CD101: variants seen among roughly 807,000 people sequenced by gnomAD.
The protein encoded by CD101 is immunoglobulin superfamily member 2.
CD101 carries 76 observed loss-of-function variants against 98.2 expected under a neutral mutation model. The observed-to-expected ratio is 0.77, with a 90% CI of 0.64 to 0.94. CD101 has a LOEUF of 0.94. Among genes scored for constraint, CD101 ranks in the 40% least tolerant of loss-of-function variants. The pLI is 0.00. For missense variants in CD101, 1,145 were observed against 1,218.8 expected, an observed-to-expected ratio of 0.94 and a Z score of 0.90; for synonymous variants, 471 against 472.7, an observed-to-expected ratio of 1.00 and a Z score of 0.05.
chr1:117,026,973 A>G (rs1196227979), intron 8 of CD101, among the ~76,000 whole-genome samples: 1 of 152,164 alleles, frequency 6.6e-6, no homozygotes, highest in Non-Finnish European at 1.5e-5. Flanking sequence ...GGGGTGATAA[A>G]AAATCCCAGG....
Position 117,011,755 on chromosome 1 carries a change from G to A in CD101, c.630G>A (p.Gly210=), listed in dbSNP as rs1482411331. 1 of 1,613,962 alleles carries A rather than the reference G, an allele frequency of 6.2e-7. No individual in the cohort carries two copies. The highest frequency in any genetic ancestry group is 8.5e-7 in the Non-Finnish European group (1 of 1,180,018). The stretch of plus-strand genomic sequence containing the variant: ...CCAAAGATTTTATATTGGTCCCTGG[G>A]CCCTTGTATACAGAGCGGTTTGCAG... ...SLSKDFILVP[G]PLYTERFAAS... is the part of the protein sequence containing the mutation. The change falls in exon 3 of 10, where the codon GGG becomes GGA. Residue 210 remains glycine (G), a synonymous_variant. Transcript: ENST00000682167.
In CD101 at chr1:117,033,446, G is replaced by C. The variant is rs1363107243; in HGVS notation, c.2825-414G>C. On this transcript the variant is annotated intron_variant, in intron 8 of 9. Coordinates refer to ENST00000682167, the MANE Select transcript of CD101 (RefSeq NM_001256106.3). The surrounding 1 kb of genome is among the most constrained non-coding windows in gnomAD (Gnocchi z 4.8). The stretch of plus-strand genomic sequence containing the variant: ...TGTGTGTGAGAAAGAGTGTGTGCCT[G>C]TGTGTTGGAGGAGCAGCAGTGGGAA... 6.6e-6 allele frequency among the ~76,000 whole-genome samples: 1 copy of C among 152,026 alleles called. No individual in the cohort carries two copies. The highest frequency in any genetic ancestry group is 1.5e-5 in the Non-Finnish European group (1 of 67,988).
chr1:117,034,186 T>C, intron 9 of CD101, 52 bp downstream of exon 9: 3 of 1,521,090 alleles, frequency 2.0e-6, no homozygotes, highest in Non-Finnish European at 2.7e-6. Flanking sequence ...CCTGGTTCTG[T>C]CCTCAACTAT....
rs1652927248 is a variant in CD101, at chr1:117,012,049, A to ATC, written c.841+85_841+86dup. On this transcript the variant is annotated intron_variant, in intron 3 of 9. Transcript: ENST00000682167. This position sits in a 1 kb window ranked among gnomAD's most constrained non-coding sequence, Gnocchi z 4.0. ...GAGGTATGTTTTAATTTTTGTTCTA[A>ATC]TCTTTTGTTGGCTCTAAAAAATTGG... The ATC allele has an allele frequency of 1.5e-6, 2 of 1,292,718 alleles. No homozygotes were observed. Among genetic ancestry groups the ATC allele is most frequent in the Non-Finnish European group, 2.1e-6 (2 of 943,016 alleles). The allele number at this position is 1,292,718 out of a possible 1,614,324, so 80.1% of individuals were successfully genotyped here.
At chr1:117,017,557 A>G in intron 5 of CD101, 84 bp downstream of exon 5, 1 of 1,385,006 alleles carries the variant, frequency 7.2e-7, no homozygotes. Flanking sequence ...GTTATCCTGA[A>G]TCCCCCAGTG....
chr1:117,021,725 T>G lies in CD101; in HGVS notation c.2170T>G (p.Trp724Gly), dbSNP rs1178670867. The change falls in exon 7 of 10, where the codon TGG (tryptophan) becomes GGG (glycine). Residue 724 changes from tryptophan to glycine, a missense_variant. Trp to Gly is a radical substitution (Grantham distance 184). Coordinates refer to ENST00000682167, the MANE Select transcript of CD101 (RefSeq NM_001256106.3). The surrounding 1 kb of genome is among the most constrained non-coding windows in gnomAD (Gnocchi z 4.7). ...TTCTCCTGTTTCCACTAATGCCTCT[T>G]GGCTAAAGATCCTGGAGATGGACCA... Reference protein sequence around the residue: ...YFSPVSTNASWLKILEMDQTN... With the variant: ...YFSPVSTNASGLKILEMDQTN... 6.2e-7 allele frequency: 1 copy of G among 1,614,092 alleles called. No individual in the cohort carries two copies. Among genetic ancestry groups the G allele is most frequent in the Non-Finnish European group, 8.5e-7 (1 of 1,180,064 alleles).
At position 117,017,168 on chromosome 1, in the gene CD101, C is replaced by G. The variant is rs1169113247; in HGVS notation, c.1307C>G (p.Ala436Gly). The G allele has an allele frequency of 6.2e-7, 1 of 1,614,230 alleles. No individual in the cohort carries two copies. The highest frequency in any genetic ancestry group is 1.1e-5 in the South Asian group (1 of 91,090). The change falls in exon 5 of 10, where the codon GCT (alanine) becomes GGT (glycine). Residue 436 changes from alanine to glycine, a missense_variant. Physicochemically the swap from Ala to Gly is moderately conservative, Grantham distance 60. Coordinates refer to ENST00000682167, the MANE Select transcript of CD101 (RefSeq NM_001256106.3). ...GAGACACTCGCCTTTCTCTGTAAGG[C>G]TGGTGGAGCTGAAAGTCCCCTGTCT... ...EGETLAFLCK[A>G]GGAESPLSVS... is the part of the protein sequence containing the mutation.
rs1652569658 is a variant in CD101, at chr1:117,006,937, T to A, written c.44-2913T>A. ...ATAAAGCAGTAGAAAAAGAAGTGCG[T>A]GTTTTCACAATAAAAATTTTCAAAC... On this transcript the variant is annotated intron_variant, in intron 1 of 9. Transcript: ENST00000682167. The surrounding 1 kb of genome is among the most constrained non-coding windows in gnomAD (Gnocchi z 4.4). Among the ~76,000 whole-genome samples, 1 of 152,140 alleles carries A rather than the reference T, an allele frequency of 6.6e-6. No homozygotes were observed. The highest frequency in any genetic ancestry group is 1.5e-5 in the Non-Finnish European group (1 of 68,030).
In CD101 at chr1:117,006,969, C is replaced by T. The variant is rs544660876; in HGVS notation, c.44-2881C>T. Among the ~76,000 whole-genome samples the T allele has an allele frequency of 3.4e-4, 51 of 152,206 alleles. No homozygotes were observed. Among genetic ancestry groups the T allele is most frequent in the Non-Finnish European group, 6.3e-4 (43 of 68,018 alleles). On this transcript the variant is annotated intron_variant, in intron 1 of 9. Transcript: ENST00000682167. The surrounding 1 kb of genome is among the most constrained non-coding windows in gnomAD (Gnocchi z 4.4). ...ACAATAAAAATTTTCAAACGTGGTA[C>T]CCATCTTGCTGAAAAGTGATGGGAA... is the stretch of plus-strand genomic sequence containing the variant.
Position 117,010,338 on chromosome 1 carries a change from G to C in CD101, c.424+108G>C. The C allele has an allele frequency of 4.0e-6, 5 of 1,240,510 alleles. No individual in the cohort carries two copies. The highest frequency in any genetic ancestry group is 5.6e-6 in the Non-Finnish European group (5 of 897,264). 76.8% of individuals were successfully genotyped at this position (1,240,510 alleles called of 1,614,324 possible). ...CTTTATATTGTTCCATTTTCTTTGG[G>C]AAAAGAGCCCATGTACCCCTGTGGA... On this transcript the variant is annotated intron_variant, in intron 2 of 9. Coordinates refer to ENST00000682167, the MANE Select transcript of CD101 (RefSeq NM_001256106.3). The surrounding 1 kb of genome is among the most constrained non-coding windows in gnomAD (Gnocchi z 5.2).
intron 1 of CD101, 96 bp downstream of exon 1, chr1:117,001,956 C>A (rs1285855182): frequency 1.1e-5 from 12 of 1,108,100 alleles, no homozygotes; most frequent in East Asian, 2.4e-5. Context: ...TCTACAGGAA[C>A]AACTATGCCA....
Position 117,018,461 on chromosome 1 carries a change from T to TGG in CD101, c.1919_1920insGG (p.Cys640TrpfsTer4), listed in dbSNP as rs1653381204. Reference sequence around the variant, plus strand: ...TGAGGAAGAGACAGGAGTGTATCAGTGTGAAGTAGAAGTTTATGACAGAAA... The same window carrying TGG: ...TGAGGAAGAGACAGGAGTGTATCAGTGGGTGAAGTAGAAGTTTATGACAGAAA... On this transcript the variant is annotated frameshift_variant, in exon 6 of 10. Coordinates refer to ENST00000682167, the MANE Select transcript of CD101 (RefSeq NM_001256106.3). LOFTEE classifies it high-confidence loss of function. This position sits in a 1 kb window ranked among gnomAD's most constrained non-coding sequence, Gnocchi z 4.3. The TGG allele has an allele frequency of 4.3e-6, 7 of 1,614,204 alleles. No individual in the cohort carries two copies. The highest frequency in any genetic ancestry group is 5.1e-6 in the Non-Finnish European group (6 of 1,180,024).
chr1:117,029,212 G>GA lies in CD101; in HGVS notation c.2824+3312dup, dbSNP rs769846325. The stretch of plus-strand genomic sequence containing the variant: ...GAAAGAAAGAAAGAAAGAAAAGAAA[G>GA]AAAAGAAAGAAAGAAAGAAAGAAAG... On this transcript the variant is annotated intron_variant, in intron 8 of 9. Coordinates refer to ENST00000682167, the MANE Select transcript of CD101 (RefSeq NM_001256106.3). Among the ~76,000 whole-genome samples, 24 of 54,472 alleles carry GA rather than the reference G, an allele frequency of 4.4e-4. 1 individual carries two copies. Among genetic ancestry groups the GA allele is most frequent in the Middle Eastern group, 7.1e-3 (1 of 140 alleles). The allele number at this position is 54,472 out of a possible 152,430, so 35.7% of individuals were successfully genotyped here.
At chr1:117,035,625 C>T (rs1297422647) in intron 9 of CD101, among the ~76,000 whole-genome samples, 3 of 151,340 alleles carry the variant, frequency 2.0e-5, no homozygotes, top group Non-Finnish European at 4.4e-5. Flanking sequence ...CCTGGGCTCA[C>T]TGCAAGCTCC....
At chr1:117,014,875 C>T (rs2101125599) in intron 4 of CD101, among the ~76,000 whole-genome samples, 1 of 152,286 alleles carries the variant, frequency 6.6e-6, no homozygotes, top group Non-Finnish European at 1.5e-5. Flanking sequence ...TTCGTTTTCA[C>T]ACTAAACATT....
At chr1:117,025,933 C>A in intron 8 of CD101, 29 bp downstream of exon 8, 1 of 1,578,064 alleles carries the variant, frequency 6.3e-7, no homozygotes, top group South Asian at 1.2e-5. Flanking sequence ...ACCGCGAGCT[C>A]ATGGTCAGGA....
At chr1:117,028,437 T>A (rs893674858) in intron 8 of CD101, among the ~76,000 whole-genome samples, 2 of 152,166 alleles carry the variant, frequency 1.3e-5, no homozygotes, top group Non-Finnish European at 2.9e-5. Context: ...TTTGAATAAG[T>A]TGGGCTGGAA....
rs1461618218 is a variant in CD101, at chr1:117,010,839, G to A, written c.424+609G>A. 6.6e-6 allele frequency among the ~76,000 whole-genome samples: 1 copy of A among 152,108 alleles called. No individual in the cohort carries two copies. ...AGAATTCCCACTTTTGTTTCCTTTAGATTGTTCATACCACTGCTCTCAGCA... is the reference window on the plus strand; with the variant it reads ...AGAATTCCCACTTTTGTTTCCTTTAAATTGTTCATACCACTGCTCTCAGCA... On this transcript the variant is annotated intron_variant, in intron 2 of 9. Coordinates refer to ENST00000682167, the MANE Select transcript of CD101 (RefSeq NM_001256106.3). The surrounding 1 kb of genome is among the most constrained non-coding windows in gnomAD (Gnocchi z 5.2).
At position 117,021,516 on chromosome 1, in the gene CD101, T is replaced by C; in HGVS notation, c.2018-57T>C. On this transcript the variant is annotated intron_variant, in intron 6 of 9. Transcript: ENST00000682167. This position sits in a 1 kb window ranked among gnomAD's most constrained non-coding sequence, Gnocchi z 4.7. ...TGTCATACTTGACCTCTAATGTCTC[T>C]ACTACCTTAACTTTCTATTTCATAG... The C allele has an allele frequency of 6.9e-7, 1 of 1,450,746 alleles. No homozygotes were observed. Among genetic ancestry groups the C allele is most frequent in the Non-Finnish European group, 9.2e-7 (1 of 1,087,372 alleles). 89.9% of individuals were successfully genotyped at this position (1,450,746 alleles called of 1,614,324 possible). A position where few individuals can be genotyped will look rare whatever the true frequency, so the allele number is the denominator to read the frequency against.
Sources: allele counts gnomAD v4.1 joint callset (sites outside exome capture counted in the v4.1 genomes callset), GRCh38; gene constraint gnomAD v4.1.1; non-coding constraint Gnocchi (gnomAD v3.1); transcripts MANE v1.5; gene names NCBI Gene and HGNC (gene_info 2026-07-23, HGNC 2026-07-21).